The following MGAT5 variants were observed in gnomAD, a reference collection of about 807,000 sequenced individuals.
MGAT5 encodes the protein alpha-1,6-mannosylglycoprotein 6-beta-N-acetylglucosaminyltransferase A.
In MGAT5, 30 loss-of-function variants were observed where a neutral mutation model predicts 94.3. The observed-to-expected ratio is 0.32, with a 90% CI of 0.24 to 0.43. The LOEUF is 0.43. Among genes scored for constraint, MGAT5 ranks in the 20% least tolerant of loss-of-function variants. The probability of loss-of-function intolerance (pLI) is 1.00; values close to 1 mark genes in which losing one functional copy is unlikely to be tolerated. For missense variants in MGAT5, 691 were observed against 905.5 expected (o/e 0.76, Z 3.04); for synonymous variants, 310 against 322.9 (o/e 0.96, Z 0.43).
chr2:134,220,692 A>G (rs1032680191), intron 1 of MGAT5, among the ~76,000 whole-genome samples: 1 of 152,172 alleles, frequency 6.6e-6, no homozygotes, highest in Non-Finnish European at 1.5e-5. Context: ...TTTCTGTAGC[A>G]GGGATCAGCC....
At chr2:134,357,527 T>G (rs1290463855) in intron 9 of MGAT5, among the ~76,000 whole-genome samples, 1 of 152,236 alleles carries the variant, frequency 6.6e-6, no homozygotes, top group Non-Finnish European at 1.5e-5. Context: ...AACTTCCATG[T>G]ACAATTTTAT....
chr2:134,208,764 A>C (rs1171192173), intron 1 of MGAT5, among the ~76,000 whole-genome samples: 1 of 152,274 alleles, frequency 6.6e-6, no homozygotes, highest in African/African-American at 2.4e-5. Context: ...GGGAATGTAA[A>C]CATTTAATAA....
intron 10 of MGAT5, among the ~76,000 whole-genome samples, chr2:134,366,924 G>T (rs1680470182): frequency 6.6e-6 from 1 of 152,212 alleles, no homozygotes; most frequent in Non-Finnish European, 1.5e-5. Flanking sequence ...TAGGTGCCTA[G>T]TTCAGTCACC....
intron 10 of MGAT5, among the ~76,000 whole-genome samples, chr2:134,400,757 C>T (rs542683769): frequency 3.3e-5 from 5 of 152,272 alleles, no homozygotes; most frequent in African/African-American, 1.2e-4. Context: ...GCTTTTTAGG[C>T]GAAATGCCTC....
intron 1 of MGAT5, among the ~76,000 whole-genome samples, chr2:134,179,083 C>A (rs967484390): frequency 6.6e-6 from 1 of 152,200 alleles, no homozygotes. Context: ...ATGTTCCCAG[C>A]TGCGGATGAA....
intron 1 of MGAT5, among the ~76,000 whole-genome samples, chr2:134,241,032 C>CAGT (rs200092700): frequency 0.012 from 1,832 of 152,350 alleles, 42 homozygotes; most frequent in African/African-American, 0.041. Context: ...AATTAAAATA[C>CAGT]AGTACCAGTT....
chr2:134,315,280 A>C (rs958357021), intron 2 of MGAT5, among the ~76,000 whole-genome samples: 1 of 152,158 alleles, frequency 6.6e-6, no homozygotes, highest in Non-Finnish European at 1.5e-5. Context: ...AGTACCCCCT[A>C]AAATGTCTGA....
At chr2:134,267,316 T>C (rs1683777674) in intron 1 of MGAT5, among the ~76,000 whole-genome samples, 1 of 152,224 alleles carries the variant, frequency 6.6e-6, no homozygotes, top group Non-Finnish European at 1.5e-5. Context: ...CTCTGTGCTG[T>C]GATTTATTCA....
At chr2:134,437,605 T>C (rs760409857) in intron 14 of MGAT5, among the ~76,000 whole-genome samples, 20 of 152,218 alleles carry the variant, frequency 1.3e-4, no homozygotes, top group Non-Finnish European at 2.6e-4. Context: ...CTGGTCTAGA[T>C]TTCCCGGTTG....
chr2:134,428,350 G>T lies in MGAT5; in HGVS notation c.1795-15G>T, dbSNP rs1176496517. 5 of 1,611,878 alleles carry T rather than the reference G, an allele frequency of 3.1e-6. No individual in the cohort carries two copies. Among genetic ancestry groups the T allele is most frequent in the Non-Finnish European group, 4.2e-6 (5 of 1,178,062 alleles). On this transcript the variant is annotated splice_polypyrimidine_tract_variant and intron_variant, in intron 13 of 15. Transcript: ENST00000281923. Reference sequence around the variant, plus strand: ...CTGTCCTTCTCCTTCATGGTATCATGCTCTGTTTCCACAGATTGAGCCATA... The same window carrying T: ...CTGTCCTTCTCCTTCATGGTATCATTCTCTGTTTCCACAGATTGAGCCATA...
chr2:134,179,780 G>A (rs1405233145), intron 1 of MGAT5, among the ~76,000 whole-genome samples: 4 of 152,208 alleles, frequency 2.6e-5, no homozygotes, highest in Non-Finnish European at 5.9e-5. Context: ...CTAAATATGA[G>A]AGTGAGACCT....
intron 1 of MGAT5, among the ~76,000 whole-genome samples, chr2:134,122,831 C>T (rs1685678730): frequency 6.6e-6 from 1 of 152,240 alleles, no homozygotes; most frequent in Non-Finnish European, 1.5e-5. Flanking sequence ...TTAAGGTGAA[C>T]TGCAATGGCA....
intron 12 of MGAT5, among the ~76,000 whole-genome samples, chr2:134,416,923 GA>G (rs1684009737): frequency 6.6e-6 from 1 of 151,006 alleles, no homozygotes; most frequent in South Asian, 2.1e-4. Flanking sequence ...TCCTTTTTAT[GA>G]AAAAAATATA....
intron 2 of MGAT5, among the ~76,000 whole-genome samples, chr2:134,272,297 G>C (rs528254331): frequency 1.7e-4 from 26 of 152,242 alleles, no homozygotes; most frequent in Admixed American, 1.1e-3. Context: ...ATGGCTCTGA[G>C]CGGGACTCCT....
rs941279048 is a variant in MGAT5, at chr2:134,254,413, T to G, written c.10T>G (p.Phe4Val). Residue 4 changes from phenylalanine to valine, a missense_variant, in exon 1 of 16, where the codon TTC (phenylalanine) becomes GTC (valine). Physicochemically the swap from Phe to Val is conservative, Grantham distance 50. This residue lies in a region of MGAT5 where 307 missense variants were observed against 335.4 expected (regional missense o/e 0.92). Transcript: ENST00000281923. MALFTPWKLSSQKL... is the reference protein window; with the variant it reads MALVTPWKLSSQKL... ...AAGTTGCCAGAGAGCAATGGCTCTC[T>G]TCACTCCGTGGAAGTTGTCCTCTCA... 2.5e-6 allele frequency: 4 copies of G among 1,614,206 alleles called. No individual in the cohort carries two copies. Among genetic ancestry groups the G allele is most frequent in the Non-Finnish European group, 3.4e-6 (4 of 1,180,028 alleles).
At chr2:134,377,868 CTAGCAGATACCAGACGTG>C (rs1681284593) in intron 10 of MGAT5, among the ~76,000 whole-genome samples, 1 of 152,186 alleles carries the variant, frequency 6.6e-6, no homozygotes, top group Non-Finnish European at 1.5e-5. Context: ...AATGCTCATA[CTAGCAGATACCAGACGTG>C]TCCAAGGAGG....
At chr2:134,367,781 T>A (rs565295478) in intron 10 of MGAT5, among the ~76,000 whole-genome samples, 4 of 152,244 alleles carry the variant, frequency 2.6e-5, no homozygotes, top group Non-Finnish European at 4.4e-5. Context: ...GAGATGGAGC[T>A]CCAGGCATTG....
chr2:134,153,216 G>A (rs957446310), intron 1 of MGAT5, among the ~76,000 whole-genome samples: 8 of 152,144 alleles, frequency 5.3e-5, no homozygotes, highest in African/African-American at 1.9e-4. Context: ...CACCACGCCG[G>A]GCCAGAGTCC....
intron 1 of MGAT5, among the ~76,000 whole-genome samples, chr2:134,125,606 A>G (rs544691005): frequency 2.0e-5 from 3 of 152,302 alleles, no homozygotes; most frequent in South Asian, 2.1e-4. Flanking sequence ...CACAGGAACA[A>G]TTGGTAACAG....
Sources: allele counts gnomAD v4.1 joint callset (sites outside exome capture counted in the v4.1 genomes callset), GRCh38; gene constraint gnomAD v4.1.1; regional missense constraint gnomAD v4.1.1; transcripts MANE v1.5; gene names NCBI Gene and HGNC (gene_info 2026-07-23, HGNC 2026-07-21).